The following ERCC8 variants were observed in gnomAD, a reference collection of about 807,000 sequenced individuals.
The protein encoded by ERCC8 is ERCC excision repair 8, CSA ubiquitin ligase complex subunit.
Under a neutral mutation model 54.9 loss-of-function variants are expected in ERCC8, and 52 were observed. That is an observed-to-expected ratio of 0.95 (90% CI 0.76 to 1.19). ERCC8 has a LOEUF of 1.19. Ranked by LOEUF, ERCC8 falls within the 50% of genes most tolerant of loss-of-function variation. ERCC8 has a pLI of 0.00. For synonymous variants in ERCC8, 146 were observed against 157.2 expected, an observed-to-expected ratio of 0.93 and a Z score of 0.53; for missense variants, 514 against 466.1, an observed-to-expected ratio of 1.10 and a Z score of -0.95.
At position 60,928,908 on chromosome 5, in the gene ERCC8, G is replaced by T; in HGVS notation, c.129C>A (p.Gly43=). 1.2e-6 allele frequency: 2 copies of T among 1,608,970 alleles called. No individual in the cohort carries two copies. Among genetic ancestry groups the T allele is most frequent in the Admixed American group, 1.7e-5 (1 of 59,988 alleles). The change falls in exon 2 of 12, where the codon GGC becomes GGA. Residue 43 remains glycine (G), a synonymous_variant. Coordinates refer to ENST00000676185, the MANE Select transcript of ERCC8 (RefSeq NM_000082.4). ...NKDRDVERIH[G]GGINTLDIEP... Reference sequence around the variant, plus strand: ...CAATGTCAAGGGTGTTAATTCCACCGCCGTGGATTCTTTCAACATCTCTGT... The same window carrying T: ...CAATGTCAAGGGTGTTAATTCCACCTCCGTGGATTCTTTCAACATCTCTGT...
Position 60,944,965 on chromosome 5 carries a change from G to C in ERCC8, c.44C>G (p.Pro15Arg), listed in dbSNP as rs778163532. The C allele has an allele frequency of 1.9e-6, 3 of 1,614,116 alleles. No individual in the cohort carries two copies. The highest frequency in any genetic ancestry group is 2.2e-5 in the East Asian group (1 of 44,872). Reference sequence around the variant, plus strand: ...TGACTCTGCTCTCCGAAGGCGAAGAGGGTCCTCCAAACCCGTTTGGCGTGC... The same window carrying C: ...TGACTCTGCTCTCCGAAGGCGAAGACGGTCCTCCAAACCCGTTTGGCGTGC... ...LSARQTGLED[P>R]LRLRRAESTR... is the part of the protein sequence containing the mutation. Residue 15 changes from proline (P) to arginine (R), a missense_variant, in exon 1 of 12, where the codon CCT becomes CGT. By Grantham distance (103) the Pro-to-Arg change is moderately radical. Coordinates refer to ENST00000676185, the MANE Select transcript of ERCC8 (RefSeq NM_000082.4).
chr5:60,900,572 G>C (rs1178464978), intron 7 of ERCC8: 1 of 151,864 alleles, frequency 6.6e-6, no homozygotes, highest in Non-Finnish European at 1.5e-5. Context: ...AGGTTTACTG[G>C]TTTCTATAAC....
Position 60,892,663 on chromosome 5 carries a change from C to T in ERCC8, c.844-1577G>A, listed in dbSNP as rs574414457. The stretch of plus-strand genomic sequence containing the variant: ...AGGTTGCAGCACTGCAAGATGGTCT[C>T]CACTGGGGTCATGGGGTCTGCCAGT... On this transcript the variant is annotated intron_variant, in intron 9 of 11. Transcript: ENST00000676185. The T allele has an allele frequency of 3.3e-5, 22 of 662,514 alleles. No homozygotes were observed. In the East Asian group the frequency reaches 5.8e-4, roughly 18 times the overall value. The allele number at this position is 662,514 out of a possible 1,614,324, so 41.0% of individuals were successfully genotyped here.
intron 3 of ERCC8, chr5:60,919,641 CTTTA>C (rs1445402532): frequency 2.0e-5 from 3 of 151,864 alleles, no homozygotes; most frequent in African/African-American, 7.3e-5. Context: ...CCTCTCTTAC[CTTTA>C]TTATTTTTAT....
rs1308200076 is a variant in ERCC8, at chr5:60,873,792, G to T, written c.*823C>A. 1 of 152,180 alleles carries T rather than the reference G, an allele frequency of 6.6e-6. No homozygotes were observed. The highest frequency in any genetic ancestry group is 1.5e-5 in the Non-Finnish European group (1 of 68,026). 9.4% of individuals were successfully genotyped at this position (152,180 alleles called of 1,614,324 possible). On this transcript the variant is annotated 3_prime_UTR_variant, in exon 12 of 12. Transcript: ENST00000676185. ...GTAAGGATCAGGAAGGGAAAATTAA[G>T]ATTACCTTCATGATAATCACGTGTG...
chr5:60,876,909 C>A (rs1421370722), intron 11 of ERCC8, among the ~76,000 whole-genome samples: 1 of 152,122 alleles, frequency 6.6e-6, no homozygotes, highest in Non-Finnish European at 1.5e-5. Flanking sequence ...TCAATTTTGG[C>A]TTTTGTTGCC....
intron 4 of ERCC8, among the ~76,000 whole-genome samples, chr5:60,908,387 A>G (rs1395362752): frequency 6.6e-6 from 1 of 151,642 alleles, no homozygotes; most frequent in Non-Finnish European, 1.5e-5. Flanking sequence ...AATTCTGGGT[A>G]TGTATAGATC....
At chr5:60,939,466 G>T (rs1039939222) in intron 1 of ERCC8, among the ~76,000 whole-genome samples, 1 of 146,412 alleles carries the variant, frequency 6.8e-6, no homozygotes, top group East Asian at 1.9e-4. Flanking sequence ...GGATTCCCCG[G>T]TTGCAATACT....
intron 3 of ERCC8, chr5:60,919,530 C>G (rs1442714614): frequency 6.6e-6 from 1 of 152,018 alleles, no homozygotes; most frequent in African/African-American, 2.4e-5. Context: ...AGTGCCAGCT[C>G]TGGCATTAAA....
Position 60,867,793 on chromosome 5 carries a change from T to C in ERCC8, c.*6822A>G, listed in dbSNP as rs1332247086. On this transcript the variant is annotated 3_prime_UTR_variant, in exon 12 of 12. Coordinates refer to ENST00000676185, the MANE Select transcript of ERCC8 (RefSeq NM_000082.4). The stretch of plus-strand genomic sequence containing the variant: ...CAGAAGGTGTTGACAAGCTCTCATT[T>C]AGTACTGTTGCTAATCCTTGCCACA... 1.3e-5 allele frequency among the ~76,000 whole-genome samples: 2 copies of C among 152,218 alleles called. No homozygotes were observed. Among genetic ancestry groups the C allele is most frequent in the African/African-American group, 4.8e-5 (2 of 41,456 alleles).
chr5:60,904,674 A>G (rs1749014832), intron 5 of ERCC8, 118 bp downstream of exon 5: 1 of 178,564 alleles, frequency 5.6e-6, no homozygotes, highest in Admixed American at 7.4e-5. Flanking sequence ...ATATATATAT[A>G]TATATATATA....
intron 4 of ERCC8, 158 bp downstream of exon 4, chr5:60,918,107 C>A: frequency 1.6e-6 from 1 of 635,074 alleles, no homozygotes. Flanking sequence ...AGCAGCACAG[C>A]CAGGATATGA....
In ERCC8 at chr5:60,938,034, T is replaced by C. The variant is rs1252687394; in HGVS notation, c.77+6898A>G. Reference sequence around the variant, plus strand: ...GTGTGTGTGTGTGTGTATACATACATACATACATACATACATATATATATA... The same window carrying C: ...GTGTGTGTGTGTGTGTATACATACACACATACATACATACATATATATATA... On this transcript the variant is annotated intron_variant, in intron 1 of 11. Coordinates refer to ENST00000676185, the MANE Select transcript of ERCC8 (RefSeq NM_000082.4). Among the ~76,000 whole-genome samples, 50 of 18,258 alleles carry C rather than the reference T, an allele frequency of 2.7e-3. 1 individual carries two copies. Among genetic ancestry groups the C allele is most frequent in the African/African-American group, 6.7e-3 (50 of 7,500 alleles). 12.0% of individuals were successfully genotyped at this position (18,258 alleles called of 152,430 possible).
chr5:60,878,722 T>A (rs964496314), intron 11 of ERCC8, among the ~76,000 whole-genome samples: 1 of 144,082 alleles, frequency 6.9e-6, no homozygotes, highest in African/African-American at 2.4e-5. Context: ...GATATCCCCT[T>A]TATCATTTTT....
chr5:60,943,025 C>A (rs1346454022), intron 1 of ERCC8, among the ~76,000 whole-genome samples: 2 of 151,930 alleles, frequency 1.3e-5, no homozygotes, highest in Admixed American at 1.3e-4. Flanking sequence ...AATCCCGGCA[C>A]TTTAGGAGGC....
intron 4 of ERCC8, among the ~76,000 whole-genome samples, chr5:60,909,002 A>C (rs963843267): frequency 6.6e-6 from 1 of 152,108 alleles, no homozygotes; most frequent in Non-Finnish European, 1.5e-5. Context: ...TATAGTCATT[A>C]TATGACAATG....
At position 60,898,167 on chromosome 5, in the gene ERCC8, C is replaced by T; in HGVS notation, c.843+109G>A. Reference sequence around the variant, plus strand: ...CATAGTAGAAACACATTTTTAAAAACAGCTGTGATTAAAAGGGAATAAATG... The same window carrying T: ...CATAGTAGAAACACATTTTTAAAAATAGCTGTGATTAAAAGGGAATAAATG... On this transcript the variant is annotated intron_variant, in intron 9 of 11. Transcript: ENST00000676185. 18 of 1,257,630 alleles carry T rather than the reference C, an allele frequency of 1.4e-5. 1 individual carries two copies. The South Asian group carries it at 1.9e-4, about 13-fold the overall frequency. The allele number at this position is 1,257,630 out of a possible 1,614,324, so 77.9% of individuals were successfully genotyped here.
At chr5:60,943,282 A>AT (rs929396413) in intron 1 of ERCC8, among the ~76,000 whole-genome samples, 10 of 152,082 alleles carry the variant, frequency 6.6e-5, no homozygotes, top group Admixed American at 1.3e-4. Flanking sequence ...AAAAAAAAAT[A>AT]TTTTTTTAAT....
intron 4 of ERCC8, 34 bp from the exon 5 acceptor site, chr5:60,904,907 T>C: frequency 9.5e-7 from 1 of 1,056,742 alleles, no homozygotes; most frequent in Non-Finnish European, 1.5e-6. Context: ...AAGTATAAGG[T>C]TTAAGTATAA....
Sources: gnomAD v4.1 joint callset for allele counts (sites outside exome capture counted in the v4.1 genomes callset) on GRCh38, gnomAD v4.1.1 for gene constraint, MANE v1.5 for transcripts, NCBI Gene and HGNC (gene_info 2026-07-23, HGNC 2026-07-21) for gene names.